The following RADIL variants were observed in gnomAD, a reference collection of about 807,000 sequenced individuals.
RADIL encodes the protein Rap associating with DIL domain, also known as ras-associating and dilute domain-containing protein.
RADIL carries 99 observed loss-of-function variants against 97.6 expected under a neutral mutation model. The ratio of observed to expected loss-of-function variants is 1.01; its 90% CI spans 0.86 to 1.20. RADIL has a LOEUF of 1.20. Among genes scored for constraint, RADIL ranks in the 50% most tolerant of loss-of-function variants. RADIL has a pLI of 0.00. For missense variants in RADIL, 1,765 were observed against 1,498.9 expected (o/e 1.18, Z -2.93); for synonymous variants, 803 against 691.8 (o/e 1.16, Z -2.52).
chr7:4,816,411 G>T lies in RADIL; in HGVS notation c.1783C>A (p.Arg595Ser). The T allele has an allele frequency of 6.2e-7, 1 of 1,608,928 alleles. No homozygotes were observed. The highest frequency in any genetic ancestry group is 8.5e-7 in the Non-Finnish European group (1 of 1,178,588). Residue 595 changes from arginine (R) to serine (S), a missense_variant, in exon 8 of 15, where the codon CGC (arginine) becomes AGC (serine). Physicochemically the swap from Arg to Ser is moderately radical, Grantham distance 110. Transcript: ENST00000399583. ...GGGGCCGAGGACCAGCTCTCACGGC[G>T]CTCCGTCTGGAATGGCGGGCACTCC... is the stretch of plus-strand genomic sequence containing the variant. ...LLECPPFQTERRESWSSAPEL... is the reference protein window; with the variant it reads ...LLECPPFQTESRESWSSAPEL...
At position 4,836,565 on chromosome 7, in the gene RADIL, C is replaced by T. The variant is rs761143774; in HGVS notation, c.576G>A (p.Ala192=). Residue 192 remains alanine (A), a synonymous_variant, in exon 3 of 15, where the codon GCG becomes GCA. Transcript: ENST00000399583. ...AQARRLQRSR[A]KGTPTPALGD... ...CCAGGGCCGGGGTCGGGGTTCCCTT[C>T]GCGCGACTCCGCTGCAGCCTCCGGG... 25 of 1,607,260 alleles carry T rather than the reference C, an allele frequency of 1.6e-5. No individual in the cohort carries two copies. In the East Asian group the frequency reaches 2.0e-4, roughly 13 times the overall value.
chr7:4,802,713 C>G (rs1380596092), intron 11 of RADIL, among the ~76,000 whole-genome samples: 2 of 115,060 alleles, frequency 1.7e-5, no homozygotes, highest in Non-Finnish European at 3.6e-5. Flanking sequence ...GGTCCCCTCC[C>G]CAGGCACCTC....
At position 4,867,950 on chromosome 7, in the gene RADIL, A is replaced by G. The variant is rs1241808813; in HGVS notation, c.535+9655T>C. Among the ~76,000 whole-genome samples, 1 of 152,224 alleles carries G rather than the reference A, an allele frequency of 6.6e-6. No individual in the cohort carries two copies. The highest frequency in any genetic ancestry group is 1.5e-5 in the Non-Finnish European group (1 of 68,042). ...TTCTCTGCACTTACTTGTTCCCCAT[A>G]TTGGTGAGACGGCTGTCCTGCATTA... On this transcript the variant is annotated intron_variant, in intron 2 of 14. Transcript: ENST00000399583. The surrounding 1 kb of genome is among the most constrained non-coding windows in gnomAD (Gnocchi z 4.1).
chr7:4,855,853 T>G (rs1338321616), intron 2 of RADIL, among the ~76,000 whole-genome samples: 1 of 152,094 alleles, frequency 6.6e-6, no homozygotes, highest in Admixed American at 6.5e-5. Context: ...TGGAGTGCAG[T>G]GGCCTGATCT....
intron 10 of RADIL, chr7:4,805,225 T>C (rs748282287): frequency 2.2e-5 from 7 of 322,604 alleles, no homozygotes; most frequent in African/African-American, 6.2e-5. Context: ...CCCACGGCTG[T>C]GTACCACCAT....
chr7:4,826,503 C>T (rs1782981458), intron 5 of RADIL, among the ~76,000 whole-genome samples: 3 of 151,700 alleles, frequency 2.0e-5, no homozygotes, highest in Admixed American at 6.6e-5. Flanking sequence ...GAGGCTGAGG[C>T]GGGTGGATCA....
At position 4,817,114 on chromosome 7, in the gene RADIL, G is replaced by A. The variant is rs1302324441; in HGVS notation, c.1728+125C>T. 1.7e-5 allele frequency: 13 copies of A among 776,010 alleles called. No homozygotes were observed. The highest frequency in any genetic ancestry group is 2.7e-5 in the Non-Finnish European group (13 of 477,734). The allele number at this position is 776,010 out of a possible 1,614,324, so 48.1% of individuals were successfully genotyped here. A position where few individuals can be genotyped will look rare whatever the true frequency, so the allele number is the denominator to read the frequency against. ...TGCAGCCACTGCTCCCTGATGAAGTGGAGCTTGTCACGGTCCCCTCCCTCA... is the reference window on the plus strand; with the variant it reads ...TGCAGCCACTGCTCCCTGATGAAGTAGAGCTTGTCACGGTCCCCTCCCTCA... On this transcript the variant is annotated intron_variant, in intron 7 of 14. Coordinates refer to ENST00000399583, the MANE Select transcript of RADIL (RefSeq NM_018059.5). This position sits in a 1 kb window ranked among gnomAD's most constrained non-coding sequence, Gnocchi z 8.3.
intron 9 of RADIL, among the ~76,000 whole-genome samples, chr7:4,810,734 C>A (rs987410168): frequency 6.6e-6 from 1 of 152,226 alleles, no homozygotes. Context: ...AAGTGGCGAG[C>A]CTCATTTACA....
intron 5 of RADIL, among the ~76,000 whole-genome samples, chr7:4,827,783 T>C (rs1783038754): frequency 6.6e-6 from 1 of 152,136 alleles, no homozygotes; most frequent in Admixed American, 6.6e-5. Context: ...CCAGCAAACC[T>C]TCAGGGCCAG....
chr7:4,822,363 C>T lies in RADIL; in HGVS notation c.1615+31G>A, dbSNP rs760789544. ...CACACTCCCCTGCCTGGGGTGCTGG[C>T]GGGGGGAATGGAGGGCAGCGCCAGC... On this transcript the variant is annotated intron_variant, in intron 6 of 14. Coordinates refer to ENST00000399583, the MANE Select transcript of RADIL (RefSeq NM_018059.5). The surrounding 1 kb of genome is among the most constrained non-coding windows in gnomAD (Gnocchi z 5.3). 1.4e-5 allele frequency: 22 copies of T among 1,588,738 alleles called. 1 individual carries two copies. Among genetic ancestry groups the T allele is most frequent in the African/African-American group, 5.4e-5 (4 of 74,724 alleles).
rs181860876 is a variant in RADIL, at chr7:4,805,684, G to C, written c.2172C>G (p.Pro724=). 8 of 1,611,214 alleles carry C rather than the reference G, an allele frequency of 5.0e-6. No individual in the cohort carries two copies. The African/African-American group carries it at 6.7e-5, about 13-fold the overall frequency. ...GGTGCAGCTGTGCTGGGCTCAGTGC[G>C]GGGAACGCAGCCCGCAGGGCTGTCC... ...MSWTALRAAF[P]ALSPAQLHRL... Residue 724 remains proline (P), a synonymous_variant, in exon 10 of 15, where the codon CCC becomes CCG. Coordinates refer to ENST00000399583, the MANE Select transcript of RADIL (RefSeq NM_018059.5).
intron 4 of RADIL, among the ~76,000 whole-genome samples, chr7:4,833,494 G>A (rs1468637337): frequency 4.6e-5 from 7 of 152,166 alleles, no homozygotes; most frequent in Non-Finnish European, 7.4e-5. Flanking sequence ...GAACCCGAGG[G>A]GAAGAGGCAC....
intron 9 of RADIL, chr7:4,809,153 C>G: frequency 6.1e-6 from 6 of 985,188 alleles, no homozygotes; most frequent in Non-Finnish European, 7.2e-6. Context: ...GTGGCCCGGC[C>G]GCTTCTGGAA....
intron 2 of RADIL, among the ~76,000 whole-genome samples, chr7:4,845,228 T>C (rs943226721): frequency 2.0e-5 from 3 of 152,100 alleles, no homozygotes; most frequent in African/African-American, 7.2e-5. Context: ...GGGAGCAGAC[T>C]AGGCAACACA....
chr7:4,812,035 T>C (rs887864990), intron 9 of RADIL, among the ~76,000 whole-genome samples: 32 of 151,806 alleles, frequency 2.1e-4, no homozygotes, highest in African/African-American at 7.5e-4. Context: ...TCACCATGCC[T>C]GGCTACTTTT....
intron 2 of RADIL, among the ~76,000 whole-genome samples, chr7:4,857,147 A>C (rs574579153): frequency 6.6e-6 from 1 of 152,216 alleles, no homozygotes; most frequent in African/African-American, 2.4e-5. Flanking sequence ...GTTGAGGCTG[A>C]GTTATTAGGT....
Position 4,817,984 on chromosome 7 carries a change from G to A in RADIL, c.1616-633C>T, listed in dbSNP as rs1488603104. Among the ~76,000 whole-genome samples the A allele has an allele frequency of 6.6e-6, 1 of 152,212 alleles. No homozygotes were observed. The highest frequency in any genetic ancestry group is 1.5e-5 in the Non-Finnish European group (1 of 68,034). On this transcript the variant is annotated intron_variant, in intron 6 of 14. Coordinates refer to ENST00000399583, the MANE Select transcript of RADIL (RefSeq NM_018059.5). This position sits in a 1 kb window ranked among gnomAD's most constrained non-coding sequence, Gnocchi z 8.3. ...CTTCCAGAAAGTGAGGGAGCATGTG[G>A]TGGTCTCAGTGACTGAGGGTCCCAT...
At chr7:4,803,396 C>T in intron 11 of RADIL, 150 bp downstream of exon 11, 4 of 641,700 alleles carry the variant, frequency 6.2e-6, no homozygotes, top group Non-Finnish European at 9.6e-6. Context: ...CCCCGGGCAC[C>T]TCGGGGCACA....
intron 2 of RADIL, chr7:4,860,819 G>C (rs1300758352): frequency 6.2e-7 from 1 of 1,614,154 alleles, no homozygotes; most frequent in Non-Finnish European, 8.5e-7. Flanking sequence ...GGTTGAAATA[G>C]ACACGTTGTA....
Sources: gnomAD v4.1 joint callset for allele counts (sites outside exome capture counted in the v4.1 genomes callset) on GRCh38, gnomAD v4.1.1 for gene constraint, Gnocchi (gnomAD v3.1) non-coding constraint, MANE v1.5 for transcripts, NCBI Gene and HGNC (gene_info 2026-07-23, HGNC 2026-07-21) for gene names.